The following ATP11C variants were observed in gnomAD, a reference collection of about 807,000 sequenced individuals.
ATP11C encodes phospholipid-transporting ATPase IG.
A neutral mutation model predicts 97.4 loss-of-function variants in ATP11C; 36 were observed. The observed-to-expected ratio is 0.37, with a 90% confidence interval of 0.28 to 0.49. The LOEUF (loss-of-function observed/expected upper bound fraction) is 0.49, where lower values mean the gene tolerates loss of function less well. ATP11C is among the 20% of genes least tolerant of loss of function. ATP11C has a pLI of 0.98. For synonymous variants in ATP11C, 275 were observed against 290.9 expected, an observed-to-expected ratio of 0.95 and a Z score of 0.56; for missense variants, 730 against 824.6, an observed-to-expected ratio of 0.89 and a Z score of 1.40.
At chrX:139,836,011 A>T (rs1262064900) in intron 1 of ATP11C, among the ~76,000 whole-genome samples, 2 of 71,330 alleles carry the variant, frequency 2.8e-5, no homozygotes, top group African/African-American at 1.1e-4. Flanking sequence ...TGGGTGACAG[A>T]GCGAGACTCC....
chrX:139,733,379 C>T (rs1258576367), intron 28 of ATP11C, among the ~76,000 whole-genome samples: 1 of 112,060 alleles, frequency 8.9e-6, no homozygotes, highest in African/African-American at 3.2e-5. Context: ...AACAACTCTG[C>T]TAATAAAGAT....
At chrX:139,833,605 A>G (rs1962161675) in intron 1 of ATP11C, among the ~76,000 whole-genome samples, 1 of 110,499 alleles carries the variant, frequency 9.0e-6, no homozygotes, top group African/African-American at 3.3e-5. Flanking sequence ...CAGGAGGACC[A>G]CTTAAGCCCA....
intron 1 of ATP11C, among the ~76,000 whole-genome samples, chrX:139,844,151 A>C (rs985490654): frequency 8.9e-6 from 1 of 112,336 alleles, no homozygotes; most frequent in Non-Finnish European, 1.9e-5. Context: ...CGCTAACTAG[A>C]TAACACTTCT....
At chrX:139,800,940 G>C (rs1351062160) in intron 7 of ATP11C, among the ~76,000 whole-genome samples, 1 of 112,082 alleles carries the variant, frequency 8.9e-6, no homozygotes, top group Non-Finnish European at 1.9e-5. Flanking sequence ...GCTATACTAA[G>C]TGCTGAAGAT....
chrX:139,847,134 C>T (rs2083920657), intron 1 of ATP11C, among the ~76,000 whole-genome samples: 1 of 110,902 alleles, frequency 9.0e-6, no homozygotes. Context: ...CCTGTAATCC[C>T]AACACTTTGG....
intron 26 of ATP11C, among the ~76,000 whole-genome samples, chrX:139,742,873 AAAAATATATAT>A (rs1412461614): frequency 1.0e-3 from 27 of 26,376 alleles, no homozygotes; most frequent in South Asian, 3.9e-3. Flanking sequence ...TTAAAAAAAA[AAAAATATATAT>A]ATATATATAT....
Position 139,785,228 on chromosome X carries a change from T to C in ATP11C, c.1664A>G (p.Glu555Gly), listed in dbSNP as rs999502806. ...ATTCAAGCTTTTCAGACATGTACCT[T>C]CTTGAGTCTTCACAATTACACTCAT... ...RRMSVIVKTQ[E>G]GDILLFCKGA... Residue 555 changes from glutamate to glycine, a missense_variant and splice_region_variant, in exon 16 of 30, where the codon GAA (glutamate) becomes GGA (glycine). Glu to Gly is a moderately conservative substitution (Grantham distance 98). Coordinates refer to ENST00000682941, the MANE Select transcript of ATP11C (RefSeq NM_001353812.2). The C allele has an allele frequency of 1.3e-5, 15 of 1,199,656 alleles. No individual in the cohort carries two copies. The highest frequency in any genetic ancestry group is 1.6e-5 in the Non-Finnish European group (14 of 888,080).
intron 1 of ATP11C, among the ~76,000 whole-genome samples, chrX:139,862,020 G>GA (rs2084208061): frequency 8.9e-6 from 1 of 111,813 alleles, no homozygotes; most frequent in Non-Finnish European, 1.9e-5. Context: ...GAGTAGCCAA[G>GA]AAAAGTCTGA....
chrX:139,761,356 T>C (rs1360225698), intron 22 of ATP11C, among the ~76,000 whole-genome samples: 1 of 111,819 alleles, frequency 8.9e-6, no homozygotes, highest in African/African-American at 3.3e-5. Flanking sequence ...GTGTATAGTG[T>C]ATAAAAGTAT....
At chrX:139,841,953 C>T (rs774954599) in intron 1 of ATP11C, among the ~76,000 whole-genome samples, 1 of 112,388 alleles carries the variant, frequency 8.9e-6, no homozygotes, top group East Asian at 2.8e-4. Flanking sequence ...AACTCAAAGA[C>T]AGGCCCATTG....
chrX:139,874,045 GT>G (rs746204437), intron 1 of ATP11C, among the ~76,000 whole-genome samples: 180 of 94,553 alleles, frequency 1.9e-3, no homozygotes, highest in Middle Eastern at 5.3e-3. Context: ...AAACAACCAG[GT>G]TTTTTTTTTT....
chrX:139,805,292 A>AT (rs1300200367), intron 5 of ATP11C, among the ~76,000 whole-genome samples: 1 of 111,790 alleles, frequency 8.9e-6, no homozygotes, highest in Non-Finnish European at 1.9e-5. Context: ...TAAGTAAATC[A>AT]TAACCATTAA....
chrX:139,786,970 T>C (rs951110344), intron 15 of ATP11C, among the ~76,000 whole-genome samples: 59 of 112,338 alleles, frequency 5.3e-4, no homozygotes, highest in African/African-American at 1.7e-3. Context: ...GTGAACCAGA[T>C]TGGAATTTCC....
At chrX:139,917,416 A>T (rs2085171213) in intron 1 of ATP11C, among the ~76,000 whole-genome samples, 1 of 111,984 alleles carries the variant, frequency 8.9e-6, no homozygotes. Context: ...AATGTGGGAA[A>T]ATATTTGCAA....
At chrX:139,742,470 A>C (rs748218644) in intron 26 of ATP11C, among the ~76,000 whole-genome samples, 3 of 111,832 alleles carry the variant, frequency 2.7e-5, no homozygotes, top group Non-Finnish European at 5.6e-5. Context: ...GGTATAAGAA[A>C]TAAACCAGGA....
intron 5 of ATP11C, among the ~76,000 whole-genome samples, chrX:139,807,235 A>C (rs2083063761): frequency 9.0e-6 from 1 of 111,249 alleles, no homozygotes; most frequent in African/African-American, 3.3e-5. Context: ...GGACTCGGGA[A>C]TATAGGATGT....
intron 5 of ATP11C, among the ~76,000 whole-genome samples, chrX:139,814,381 C>T (rs1429383425): frequency 9.0e-6 from 1 of 111,663 alleles, no homozygotes; most frequent in African/African-American, 3.3e-5. Context: ...CAGCAATTTT[C>T]CTCCTAGGTA....
At chrX:139,866,765 G>C (rs1214312715) in intron 1 of ATP11C, among the ~76,000 whole-genome samples, 1 of 110,558 alleles carries the variant, frequency 9.0e-6, no homozygotes. Context: ...AAGTCTAACA[G>C]TCTGGCTCCA....
intron 1 of ATP11C, among the ~76,000 whole-genome samples, chrX:139,830,520 A>G (rs1232982550): frequency 8.9e-6 from 1 of 111,968 alleles, no homozygotes; most frequent in Non-Finnish European, 1.9e-5. Flanking sequence ...TCAATTATTC[A>G]GATCACTGAT....
Sources: allele counts gnomAD v4.1 joint callset (sites outside exome capture counted in the v4.1 genomes callset), GRCh38; gene constraint gnomAD v4.1.1; transcripts MANE v1.5; gene names NCBI Gene and HGNC (gene_info 2026-07-23, HGNC 2026-07-21).